The following DTD1 variants were observed in gnomAD, a reference collection of about 807,000 sequenced individuals.
DTD1 encodes the protein D-tyrosyl-tRNA deacylase 1 homolog.
DTD1 carries 13 observed loss-of-function variants against 25.6 expected under a neutral mutation model. The ratio of observed to expected loss-of-function variants is 0.51; its 90% confidence interval spans 0.33 to 0.81. DTD1 has a LOEUF of 0.81. DTD1 is among the 30% of genes least tolerant of loss of function. The pLI is 0.02. For missense variants in DTD1, 193 were observed against 266.4 expected (o/e 0.72, Z 1.92); for synonymous variants, 110 against 103.6 (o/e 1.06, Z -0.37).
At position 18,596,068 on chromosome 20, in the gene DTD1, G is replaced by A. The variant is rs772317718; in HGVS notation, c.197G>A (p.Ser66Asn). The change falls in exon 3 of 6, where the codon AGT becomes AAT. Residue 66 changes from serine to asparagine, a missense_variant. Physicochemically the swap from Ser to Asn is conservative, Grantham distance 46 (BLOSUM62 1). Transcript: ENST00000377452. The part of the protein sequence containing the change: ...EDESGKHWSK[S>N]VMDKQYEILC... The stretch of plus-strand genomic sequence containing the variant: ...GAGAGTGGGAAGCACTGGTCGAAGA[G>A]TGTGATGGACAAACAGTACGAGATT... The A allele has an allele frequency of 4.3e-6, 7 of 1,614,160 alleles. No homozygotes were observed. The highest frequency in any genetic ancestry group is 5.9e-6 in the Non-Finnish European group (7 of 1,180,020).
chr20:18,617,773 T>C (rs1461179371), intron 3 of DTD1, among the ~76,000 whole-genome samples: 1 of 152,218 alleles, frequency 6.6e-6, no homozygotes, highest in Non-Finnish European at 1.5e-5. Flanking sequence ...TTCCCCTTTC[T>C]ATACAAAAGG....
intron 4 of DTD1, among the ~76,000 whole-genome samples, chr20:18,679,833 T>C (rs1438292565): frequency 3.3e-5 from 5 of 152,208 alleles, no homozygotes; most frequent in Admixed American, 6.5e-5. Flanking sequence ...CTTCTAGATA[T>C]AGGAGCAGGA....
intron 3 of DTD1, among the ~76,000 whole-genome samples, chr20:18,622,733 C>A (rs2060739800): frequency 6.6e-6 from 1 of 152,152 alleles, no homozygotes; most frequent in African/African-American, 2.4e-5. Flanking sequence ...GACTAGAAAG[C>A]TTTACATCTT....
At chr20:18,750,069 A>T (rs1346023427) in intron 5 of DTD1, among the ~76,000 whole-genome samples, 1 of 152,174 alleles carries the variant, frequency 6.6e-6, no homozygotes, top group Non-Finnish European at 1.5e-5. Context: ...AGTCCTTCAG[A>T]GCCGCCCACA....
chr20:18,762,406 GGA>G (rs2061366583), intron 5 of DTD1, among the ~76,000 whole-genome samples: 1 of 152,170 alleles, frequency 6.6e-6, no homozygotes, highest in African/African-American at 2.4e-5. Flanking sequence ...AATTACAAAA[GGA>G]AACCCTGAGA....
At chr20:18,664,202 C>T (rs1278940246) in intron 4 of DTD1, among the ~76,000 whole-genome samples, 10 of 152,196 alleles carry the variant, frequency 6.6e-5, no homozygotes, top group Non-Finnish European at 1.5e-4. Context: ...TTTCAACAAT[C>T]CTTCAGAACA....
chr20:18,651,977 C>A (rs781367645), intron 4 of DTD1, among the ~76,000 whole-genome samples: 4 of 152,198 alleles, frequency 2.6e-5, no homozygotes, highest in Non-Finnish European at 5.9e-5. Flanking sequence ...AGAGGTAGGG[C>A]CGTTAGCCAC....
intron 4 of DTD1, among the ~76,000 whole-genome samples, chr20:18,724,145 C>G (rs923846989): frequency 2.6e-5 from 4 of 152,232 alleles, no homozygotes. Flanking sequence ...TGTACTTTGT[C>G]TCAGCCAACA....
chr20:18,639,095 A>G (rs2060819172), intron 4 of DTD1, among the ~76,000 whole-genome samples: 1 of 151,248 alleles, frequency 6.6e-6, no homozygotes, highest in Admixed American at 6.6e-5. Context: ...GACATCAAGG[A>G]GTGCGATGCT....
rs58750399 is a variant in DTD1 at position 18,669,922 on chromosome 20, A to G, written c.477+41689A>G. Among the ~76,000 whole-genome samples the G allele has an allele frequency of 1.3e-4, 20 of 152,224 alleles. No homozygotes were observed. In the East Asian group the frequency reaches 3.9e-3, roughly 29 times the overall value. ...CAAACTTCAGGCGAGCCAGGTCTGT[A>G]TCTCCATTCCTGTCTCTGACTGCTT... is the stretch of plus-strand genomic sequence containing the variant. On this transcript the variant is annotated intron_variant, in intron 4 of 5. Coordinates refer to ENST00000377452, the MANE Select transcript of DTD1 (RefSeq NM_080820.6).
intron 4 of DTD1, among the ~76,000 whole-genome samples, chr20:18,661,538 A>AT (rs1168831440): frequency 1.3e-5 from 2 of 151,956 alleles, no homozygotes; most frequent in Non-Finnish European, 2.9e-5. Context: ...CGCCTGGCTA[A>AT]TTTTTTGTAT....
intron 4 of DTD1, among the ~76,000 whole-genome samples, chr20:18,689,841 T>C (rs893213021): frequency 6.6e-6 from 1 of 152,048 alleles, no homozygotes; most frequent in South Asian, 2.1e-4. Context: ...TTTTCATAAG[T>C]TTAAATTTAA....
At chr20:18,755,910 C>T (rs1319718817) in intron 5 of DTD1, among the ~76,000 whole-genome samples, 3 of 152,196 alleles carry the variant, frequency 2.0e-5, no homozygotes, top group African/African-American at 7.2e-5. Context: ...GTTCCTATTT[C>T]TCCACATCCT....
At chr20:18,723,203 C>T (rs566584088) in intron 4 of DTD1, among the ~76,000 whole-genome samples, 15 of 152,276 alleles carry the variant, frequency 9.9e-5, no homozygotes, top group African/African-American at 3.4e-4. Flanking sequence ...GTAGTGTGCC[C>T]CCACAGCTGT....
At chr20:18,656,303 A>G (rs890813207) in intron 4 of DTD1, among the ~76,000 whole-genome samples, 1 of 152,182 alleles carries the variant, frequency 6.6e-6, no homozygotes, top group Admixed American at 6.5e-5. Flanking sequence ...AACTGTCTTT[A>G]TAGGGATTAT....
intron 4 of DTD1, among the ~76,000 whole-genome samples, chr20:18,722,295 C>T (rs538120656): frequency 1.2e-4 from 19 of 152,358 alleles, no homozygotes; most frequent in African/African-American, 3.6e-4. Flanking sequence ...AGGCACTCAG[C>T]ATTGTGCACA....
intron 4 of DTD1, among the ~76,000 whole-genome samples, chr20:18,685,756 T>C (rs544972339): frequency 2.6e-5 from 4 of 152,240 alleles, no homozygotes; most frequent in Non-Finnish European, 5.9e-5. Flanking sequence ...TGTGCTTTGA[T>C]GTGACATCCC....
At chr20:18,662,685 C>G (rs2060915934) in intron 4 of DTD1, among the ~76,000 whole-genome samples, 1 of 152,180 alleles carries the variant, frequency 6.6e-6, no homozygotes, top group Non-Finnish European at 1.5e-5. Flanking sequence ...TGCAGTTGAC[C>G]TATATCCTAT....
intron 4 of DTD1, among the ~76,000 whole-genome samples, chr20:18,725,064 C>T (rs2061218298): frequency 6.6e-6 from 1 of 152,258 alleles, no homozygotes; most frequent in African/African-American, 2.4e-5. Context: ...GGTGGTGTTA[C>T]AGACCTGTGG....
Sources: allele counts gnomAD v4.1 joint callset (sites outside exome capture counted in the v4.1 genomes callset), GRCh38; gene constraint gnomAD v4.1.1; transcripts MANE v1.5; gene names NCBI Gene and HGNC (gene_info 2026-07-23, HGNC 2026-07-21).